CTBP2: variants seen among roughly 807,000 people sequenced by gnomAD.
CTBP2 encodes the protein C-terminal-binding protein 2.
A neutral mutation model predicts 80.3 loss-of-function variants in CTBP2; 30 were observed. That is an observed-to-expected ratio of 0.37 (90% CI 0.28 to 0.51). CTBP2 has a LOEUF of 0.51. CTBP2 is among the 20% of genes least tolerant of loss of function. The pLI, the probability that CTBP2 is intolerant of heterozygous loss-of-function variation, is 0.93. For missense variants in CTBP2, 1,212 were observed against 1,375.3 expected, an observed-to-expected ratio of 0.88 and a Z score of 1.88; for synonymous variants, 594 against 587.4, an observed-to-expected ratio of 1.01 and a Z score of -0.16.
In CTBP2 at chr10:125,027,436, C is replaced by T; in HGVS notation, c.324G>A (p.Arg108=). 1 of 1,614,112 alleles carries T rather than the reference C, an allele frequency of 6.2e-7. No homozygotes were observed. Among genetic ancestry groups the T allele is most frequent in the East Asian group, 2.2e-5 (1 of 44,880 alleles). ...CTCCAGACGGATCACTGTAGTACTC[C>T]CGTGGCAGCAGGGGGCTGCGACCAG... The change falls in exon 1 of 9, where the codon CGG becomes CGA. Residue 108 remains arginine, a synonymous_variant. Transcript: ENST00000309035.
intron 2 of CTBP2, among the ~76,000 whole-genome samples, chr10:125,040,488 ATC>A (rs1160965289): frequency 6.8e-6 from 1 of 147,480 alleles, no homozygotes; most frequent in African/African-American, 2.5e-5. Context: ...GGTGGCTTGA[ATC>A]TCAACTGGGA....
chr10:125,064,317 C>A (rs2135385453), intron 2 of CTBP2, among the ~76,000 whole-genome samples: 1 of 152,296 alleles, frequency 6.6e-6, no homozygotes, highest in African/African-American at 2.4e-5. Flanking sequence ...TTAGGCCAGG[C>A]ACAAACAGGT....
At chr10:125,053,606 T>C (rs1311048187) in intron 2 of CTBP2, among the ~76,000 whole-genome samples, 4 of 152,058 alleles carry the variant, frequency 2.6e-5, no homozygotes, top group Admixed American at 6.5e-5. Flanking sequence ...GTGAGGCTAA[T>C]AGGTTTTGGT....
chr10:124,999,467 C>T (rs1159367096), intron 3 of CTBP2: 1 of 152,328 alleles, frequency 6.6e-6, no homozygotes, highest in Non-Finnish European at 1.5e-5. Context: ...GCCACAAACC[C>T]ACTTTCTAGA....
intron 2 of CTBP2, among the ~76,000 whole-genome samples, chr10:125,050,844 G>T (rs1455016685): frequency 1.3e-5 from 2 of 152,214 alleles, no homozygotes; most frequent in African/African-American, 4.8e-5. Flanking sequence ...GAGTAGACAA[G>T]GCTCCTGATG....
chr10:125,132,760 C>T (rs1267199695), intron 1 of CTBP2, among the ~76,000 whole-genome samples: 51 of 152,340 alleles, frequency 3.3e-4, no homozygotes, highest in Non-Finnish European at 5.9e-5. Flanking sequence ...ACTTTACCAA[C>T]AAATTCCACG....
chr10:125,083,321 G>A (rs1847459558), intron 2 of CTBP2, among the ~76,000 whole-genome samples: 1 of 152,178 alleles, frequency 6.6e-6, no homozygotes, highest in Admixed American at 6.5e-5. Flanking sequence ...ATAAAAAAGA[G>A]TCTCCCTGTC....
chr10:125,128,842 C>T (rs556120964), intron 1 of CTBP2, among the ~76,000 whole-genome samples: 4 of 152,318 alleles, frequency 2.6e-5, no homozygotes, highest in African/African-American at 9.6e-5. Context: ...AAAAGACATG[C>T]ATGAGAATGG....
chr10:125,155,365 T>C (rs12254098), intron 1 of CTBP2, among the ~76,000 whole-genome samples: 8 of 151,700 alleles, frequency 5.3e-5, no homozygotes, highest in Non-Finnish European at 8.8e-5. Flanking sequence ...CCTGGCTCTC[T>C]CCCTATTGTA....
intron 1 of CTBP2, among the ~76,000 whole-genome samples, chr10:125,014,012 C>T (rs1232848521): frequency 6.6e-6 from 1 of 152,166 alleles, no homozygotes; most frequent in Non-Finnish European, 1.5e-5. Flanking sequence ...AGGCTTCTCA[C>T]GTGAGGCATG....
chr10:125,110,282 A>G (rs1852084674), intron 2 of CTBP2, among the ~76,000 whole-genome samples: 1 of 152,210 alleles, frequency 6.6e-6, no homozygotes, highest in South Asian at 2.1e-4. Context: ...AATCAATTCC[A>G]TCAGAGAAGT....
At chr10:125,007,312 G>A (rs2134343217) in intron 1 of CTBP2, among the ~76,000 whole-genome samples, 1 of 152,384 alleles carries the variant, frequency 6.6e-6, no homozygotes, top group African/African-American at 2.4e-5. Flanking sequence ...CTCCGTCCGG[G>A]ATGTGCTGTG....
chr10:125,162,081 CCT>C (rs1217682903), upstream of CTBP2, among the ~76,000 whole-genome samples: 1 of 152,236 alleles, frequency 6.6e-6, no homozygotes, highest in Admixed American at 6.5e-5. Flanking sequence ...TTCTCACTAC[CCT>C]GAGTTCGGCG....
Position 125,038,989 on chromosome 10 carries a change from G to A in CTBP2, c.58+8C>T, listed in dbSNP as rs367750733. 7.1e-5 allele frequency: 115 copies of A among 1,613,092 alleles called. No individual in the cohort carries two copies. The highest frequency in any genetic ancestry group is 9.2e-5 in the Non-Finnish European group (109 of 1,179,560). ...ATGTTTGGTAAAAACCGCCAAACAC[G>A]CTCTTACCTTCACAAATTCTGTCCA... On this transcript the variant is annotated splice_region_variant and intron_variant, in intron 3 of 10. Coordinates refer to the CTBP2 transcript ENST00000337195.
chr10:125,060,966 C>T (rs894904931), intron 2 of CTBP2, among the ~76,000 whole-genome samples: 2 of 152,228 alleles, frequency 1.3e-5, no homozygotes, highest in Non-Finnish European at 1.5e-5. Flanking sequence ...ATCTTCCGGT[C>T]GGCCCCAGGG....
At chr10:125,011,648 G>C (rs1037940379) in intron 1 of CTBP2, among the ~76,000 whole-genome samples, 1 of 152,194 alleles carries the variant, frequency 6.6e-6, no homozygotes, top group Non-Finnish European at 1.5e-5. Context: ...AGAAAGACAA[G>C]CACGTGCAGT....
At chr10:125,159,158 C>A (rs897003142) in intron 1 of CTBP2, among the ~76,000 whole-genome samples, 7 of 151,068 alleles carry the variant, frequency 4.6e-5, no homozygotes, top group Admixed American at 2.0e-4. Context: ...CGTCCGGCGC[C>A]GCGGAGGGCT....
intron 2 of CTBP2, among the ~76,000 whole-genome samples, chr10:125,106,219 T>TGTGAA (rs150014136): frequency 0.027 from 4,076 of 151,984 alleles, 176 homozygotes; most frequent in African/African-American, 0.093. Context: ...CGGCCCCACT[T>TGTGAA]CACATGGACC....
chr10:125,016,210 G>A (rs1956467214), intron 1 of CTBP2, among the ~76,000 whole-genome samples: 1 of 152,110 alleles, frequency 6.6e-6, no homozygotes, highest in Admixed American at 6.5e-5. Context: ...CAAGGTACAG[G>A]AAGTAGCAGC....
Sources: gnomAD v4.1 joint callset for allele counts (sites outside exome capture counted in the v4.1 genomes callset) on GRCh38, gnomAD v4.1.1 for gene constraint, MANE v1.5 for transcripts, NCBI Gene and HGNC (gene_info 2026-07-23, HGNC 2026-07-21) for gene names.